RNF150: variants seen among roughly 807,000 people sequenced by gnomAD.
The protein encoded by RNF150 is ring finger protein 150.
RNF150 carries 24 observed loss-of-function variants against 39.3 expected under a neutral mutation model. That is an observed-to-expected ratio of 0.61 (90% CI 0.44 to 0.86). RNF150 has a LOEUF of 0.86. Ranked by LOEUF, RNF150 falls within the 40% of genes least tolerant of loss-of-function variation. The pLI is 0.00. For missense variants in RNF150, 502 were observed against 587.8 expected, an observed-to-expected ratio of 0.85 and a Z score of 1.51; for synonymous variants, 255 against 227.3, an observed-to-expected ratio of 1.12 and a Z score of -1.10.
At chr4:140,899,342 T>C (rs1355912877) in intron 6 of RNF150, among the ~76,000 whole-genome samples, 1 of 152,200 alleles carries the variant, frequency 6.6e-6, no homozygotes, top group Non-Finnish European at 1.5e-5. Flanking sequence ...TTGCCATATT[T>C]AAATGTGGGC....
At chr4:141,101,431 G>T (rs200458447) in intron 1 of RNF150, among the ~76,000 whole-genome samples, 5 of 139,984 alleles carry the variant, frequency 3.6e-5, no homozygotes, top group Non-Finnish European at 8.0e-5. Flanking sequence ...CCCATTGGAA[G>T]GTCTTCAGGG....
chr4:141,109,954 T>C (rs1739333661), intron 1 of RNF150, among the ~76,000 whole-genome samples: 1 of 152,164 alleles, frequency 6.6e-6, no homozygotes, highest in African/African-American at 2.4e-5. Flanking sequence ...GAAGTCTTAC[T>C]GATCTGGGGA....
intron 1 of RNF150, among the ~76,000 whole-genome samples, chr4:141,145,092 G>GA (rs1197268347): frequency 2.0e-5 from 3 of 151,948 alleles, no homozygotes; most frequent in East Asian, 1.9e-4. Context: ...ACTTATTCCA[G>GA]AAAAAATGAG....
intron 1 of RNF150, among the ~76,000 whole-genome samples, chr4:141,142,229 C>T (rs747399524): frequency 3.3e-5 from 5 of 152,130 alleles, no homozygotes; most frequent in Non-Finnish European, 7.4e-5. Context: ...GATCCTAAAA[C>T]CTATCATCTA....
intron 6 of RNF150, among the ~76,000 whole-genome samples, chr4:140,909,310 T>C (rs913422797): frequency 1.3e-5 from 2 of 152,202 alleles, no homozygotes; most frequent in Non-Finnish European, 2.9e-5. Flanking sequence ...ATGTGATTAC[T>C]AAGCATTTCA....
chr4:140,892,200 G>A (rs533383341), intron 6 of RNF150, among the ~76,000 whole-genome samples: 1 of 152,188 alleles, frequency 6.6e-6, no homozygotes, highest in South Asian at 2.1e-4. Context: ...TGGATGGAGG[G>A]ACACCTATAT....
At chr4:141,034,059 T>C (rs895143336) in intron 1 of RNF150, among the ~76,000 whole-genome samples, 1 of 152,202 alleles carries the variant, frequency 6.6e-6, no homozygotes, top group African/African-American at 2.4e-5. Flanking sequence ...TTCTCTTCTC[T>C]AGCTATGAAG....
intron 1 of RNF150, among the ~76,000 whole-genome samples, chr4:141,151,407 CAG>C (rs1244464680): frequency 2.7e-4 from 34 of 126,112 alleles, no homozygotes; most frequent in Non-Finnish European, 4.5e-4. Flanking sequence ...CCCATCTCTA[CAG>C]ACACACACAC....
intron 1 of RNF150, among the ~76,000 whole-genome samples, chr4:141,131,706 A>G (rs1726894711): frequency 1.3e-5 from 2 of 152,230 alleles, no homozygotes; most frequent in Non-Finnish European, 2.9e-5. Flanking sequence ...CTTTAGGGCC[A>G]TCACACTCTT....
rs1380865432 is a variant in RNF150 at position 140,949,440 on chromosome 4, T to C, written c.736-68A>G. ...TTCTTGACTTCATTTCTGATATCAT[T>C]TAATACACCAGGGCAGCTAGCTCTG... is the stretch of plus-strand genomic sequence containing the variant. On this transcript the variant is annotated intron_variant, in intron 2 of 6. Coordinates refer to ENST00000515673, the MANE Select transcript of RNF150 (RefSeq NM_020724.2). The C allele has an allele frequency of 1.5e-5, 20 of 1,306,646 alleles. No individual in the cohort carries two copies. In the East Asian group the frequency reaches 4.4e-4, roughly 29 times the overall value. The allele number at this position is 1,306,646 out of a possible 1,614,324, so 80.9% of individuals were successfully genotyped here.
chr4:140,918,133 T>A (rs371878304), intron 5 of RNF150, among the ~76,000 whole-genome samples: 1 of 151,884 alleles, frequency 6.6e-6, no homozygotes, highest in Non-Finnish European at 1.5e-5. Flanking sequence ...TTAAAAGAAC[T>A]AGAAAAGCAA....
chr4:140,860,566 T>C lies in RNF150; in HGVS notation c.*7695A>G, dbSNP rs183735474. The C allele has an allele frequency of 1.5e-4, 23 of 152,306 alleles. No homozygotes were observed. In the East Asian group the frequency reaches 2.9e-3, roughly 19 times the overall value. 9.4% of individuals were successfully genotyped at this position (152,306 alleles called of 1,614,324 possible). On this transcript the variant is annotated 3_prime_UTR_variant, in exon 7 of 7. Transcript: ENST00000515673. ...CCTTGTGGGGAAGCTAAGTAGACTTTACCCCAACATCAATCATTTTACAAC... is the reference window on the plus strand; with the variant it reads ...CCTTGTGGGGAAGCTAAGTAGACTTCACCCCAACATCAATCATTTTACAAC...
At chr4:140,914,309 G>T (rs1462613448) in intron 5 of RNF150, among the ~76,000 whole-genome samples, 1 of 152,106 alleles carries the variant, frequency 6.6e-6, no homozygotes, top group East Asian at 1.9e-4. Flanking sequence ...CACTCTACAT[G>T]GTTCATCAAA....
At chr4:141,147,541 T>C (rs1275211469) in intron 1 of RNF150, among the ~76,000 whole-genome samples, 1 of 152,216 alleles carries the variant, frequency 6.6e-6, no homozygotes, top group African/African-American at 2.4e-5. Context: ...GCAAATTTAG[T>C]GTATCTCTAT....
chr4:140,918,803 C>T (rs1436797060), intron 5 of RNF150, among the ~76,000 whole-genome samples: 1 of 152,022 alleles, frequency 6.6e-6, no homozygotes, highest in Non-Finnish European at 1.5e-5. Flanking sequence ...ACTGGCAAAC[C>T]AAATCCAGCA....
At chr4:141,179,878 C>T (rs1305498040) in intron 1 of RNF150, among the ~76,000 whole-genome samples, 1 of 152,132 alleles carries the variant, frequency 6.6e-6, no homozygotes, top group Non-Finnish European at 1.5e-5. Context: ...GGCTTCACAC[C>T]GCAGATGCAT....
At chr4:140,958,330 G>A (rs767104827) in intron 2 of RNF150, among the ~76,000 whole-genome samples, 100 of 152,096 alleles carry the variant, frequency 6.6e-4, no homozygotes, top group Non-Finnish European at 1.3e-3. Flanking sequence ...TTCTAAAGCC[G>A]GAAAGGGCCA....
At chr4:141,143,053 A>C (rs926176681) in intron 1 of RNF150, among the ~76,000 whole-genome samples, 1 of 151,912 alleles carries the variant, frequency 6.6e-6, no homozygotes, top group East Asian at 1.9e-4. Context: ...GTATTTTAGT[A>C]GATACGGGGT....
chr4:140,924,269 CT>C (rs1254372774), intron 5 of RNF150, among the ~76,000 whole-genome samples: 4 of 152,096 alleles, frequency 2.6e-5, no homozygotes, highest in African/African-American at 7.2e-5. Context: ...TGTTATTCAT[CT>C]TGGAAATAAG....
Sources: gnomAD v4.1 joint callset for allele counts (sites outside exome capture counted in the v4.1 genomes callset) on GRCh38, gnomAD v4.1.1 for gene constraint, MANE v1.5 for transcripts, NCBI Gene and HGNC (gene_info 2026-07-23, HGNC 2026-07-21) for gene names.